The following HIVEP3 variants were observed in gnomAD, a reference collection of about 807,000 sequenced individuals.
The protein encoded by HIVEP3 is HIVEP zinc finger 3, also known as transcription factor HIVEP3.
In HIVEP3, 49 loss-of-function variants were observed where a neutral mutation model predicts 152.8. The ratio of observed to expected loss-of-function variants is 0.32; its 90% CI spans 0.26 to 0.41. The LOEUF (loss-of-function observed/expected upper bound fraction) is 0.41, where lower values mean the gene tolerates loss of function less well. Among genes scored for constraint, HIVEP3 ranks in the 10% least tolerant of loss-of-function variants. The pLI is 1.00. For missense variants in HIVEP3, 2,790 were observed against 3,103.3 expected, an observed-to-expected ratio of 0.90 and a Z score of 2.40; for synonymous variants, 1,269 against 1,289.0, an observed-to-expected ratio of 0.98 and a Z score of 0.33.
chr1:41,527,513 C>A (rs1434422908), intron 5 of HIVEP3, among the ~76,000 whole-genome samples: 1 of 133,950 alleles, frequency 7.5e-6, no homozygotes, highest in Non-Finnish European at 1.6e-5. Context: ...ACTCACACAC[C>A]CCCGCCCTCA....
intron 1 of HIVEP3, among the ~76,000 whole-genome samples, chr1:41,824,784 T>TATATATAGAGAG (rs1553266584): frequency 1.5e-3 from 17 of 11,374 alleles, no homozygotes; most frequent in Non-Finnish European, 2.2e-3. Context: ...TATATATATA[T>TATATATAGAGAG]AGAGAGAGAG....
At chr1:41,962,851 C>A (rs566203026) in intron 1 of HIVEP3, among the ~76,000 whole-genome samples, 1 of 152,320 alleles carries the variant, frequency 6.6e-6, no homozygotes, top group East Asian at 1.9e-4. Flanking sequence ...GGTTTTTGAA[C>A]AACAGTACAA....
intron 1 of HIVEP3, among the ~76,000 whole-genome samples, chr1:41,871,408 A>T (rs1205602621): frequency 1.4e-4 from 1 of 7,266 alleles, no homozygotes; most frequent in Non-Finnish European, 5.1e-4. Flanking sequence ...ATTTAAAGCT[A>T]AAAAAAAAAA....
At chr1:41,552,008 T>C (rs1433840230) in intron 5 of HIVEP3, among the ~76,000 whole-genome samples, 1 of 152,224 alleles carries the variant, frequency 6.6e-6, no homozygotes. Flanking sequence ...TGCTTTCTCT[T>C]GTAGGCATTT....
upstream of HIVEP3, among the ~76,000 whole-genome samples, chr1:41,923,452 TAG>T (rs1644951447): frequency 6.6e-6 from 1 of 150,756 alleles, no homozygotes. Flanking sequence ...CTCATAGGAG[TAG>T]AGAGTAGAAT....
At chr1:41,656,915 T>A (rs1645637010) in intron 2 of HIVEP3, among the ~76,000 whole-genome samples, 1 of 152,210 alleles carries the variant, frequency 6.6e-6, no homozygotes, top group Non-Finnish European at 1.5e-5. Context: ...CAGAGCCTGT[T>A]GGGCTGGGTC....
intron 1 of HIVEP3, among the ~76,000 whole-genome samples, chr1:41,809,352 C>G (rs1469115148): frequency 6.6e-6 from 1 of 152,266 alleles, no homozygotes; most frequent in East Asian, 1.9e-4. Flanking sequence ...AGAACAGAAA[C>G]AGGTGGTACC....
intron 1 of HIVEP3, among the ~76,000 whole-genome samples, chr1:41,841,347 C>T (rs974648342): frequency 3.3e-5 from 5 of 152,314 alleles, no homozygotes; most frequent in South Asian, 2.1e-4. Context: ...CATCCAGAAA[C>T]GCGGTGTTTA....
At chr1:41,870,098 G>A (rs1644051668) in intron 1 of HIVEP3, among the ~76,000 whole-genome samples, 3 of 152,128 alleles carry the variant, frequency 2.0e-5, no homozygotes, top group Non-Finnish European at 2.9e-5. Flanking sequence ...CAAGGACCCT[G>A]GGACTGCTGA....
At chr1:41,636,419 C>A (rs1354359205) in intron 2 of HIVEP3, among the ~76,000 whole-genome samples, 2 of 152,056 alleles carry the variant, frequency 1.3e-5, no homozygotes, top group African/African-American at 4.8e-5. Flanking sequence ...TTTCAAAGCC[C>A]GAATTGGACC....
rs149923097 is a variant in HIVEP3, at chr1:41,726,168, A to C, written c.-800-25173T>G. Among the ~76,000 whole-genome samples, 604 of 152,246 alleles carry C rather than the reference A, an allele frequency of 4.0e-3. 6 individuals are homozygous for C. Among genetic ancestry groups the C allele is most frequent in the African/African-American group, 0.014 (587 of 41,528 alleles). On this transcript the variant is annotated intron_variant, in intron 1 of 8. Transcript: ENST00000372583. ...TTTGAAACCAAACCTTTTTCTTTTC[A>C]TGTCTCAAGCATTTTCATGAGCCCT...
At chr1:41,538,935 T>TG (rs948379576) in intron 5 of HIVEP3, among the ~76,000 whole-genome samples, 1 of 151,866 alleles carries the variant, frequency 6.6e-6, no homozygotes, top group Non-Finnish European at 1.5e-5. Context: ...TCATGGGGCA[T>TG]GGGGGTGGGG....
chr1:41,932,627 TG>T (rs1264962209), intron 1 of HIVEP3, among the ~76,000 whole-genome samples: 2 of 151,934 alleles, frequency 1.3e-5, no homozygotes, highest in Admixed American at 1.3e-4. Flanking sequence ...AACCAGCTTT[TG>T]GTTTGATTGA....
At chr1:41,825,360 G>A (rs1197167714) in intron 1 of HIVEP3, among the ~76,000 whole-genome samples, 6 of 152,180 alleles carry the variant, frequency 3.9e-5, no homozygotes, top group Non-Finnish European at 7.4e-5. Context: ...AAGGGCGGGG[G>A]AATGTCACCA....
intron 1 of HIVEP3, among the ~76,000 whole-genome samples, chr1:41,767,952 C>T (rs918647560): frequency 2.0e-5 from 3 of 152,252 alleles, no homozygotes; most frequent in Non-Finnish European, 4.4e-5. Flanking sequence ...TTATAACAAT[C>T]CTTCATGCTC....
At chr1:41,860,718 C>T (rs1351241829) in intron 1 of HIVEP3, among the ~76,000 whole-genome samples, 1 of 152,180 alleles carries the variant, frequency 6.6e-6, no homozygotes, top group Admixed American at 6.5e-5. Flanking sequence ...TCCACCATTG[C>T]CATTGTTGGA....
At chr1:41,784,309 A>AT (rs1367165989) in intron 1 of HIVEP3, among the ~76,000 whole-genome samples, 2 of 152,250 alleles carry the variant, frequency 1.3e-5, no homozygotes, top group Non-Finnish European at 2.9e-5. Context: ...TCTGTTATTA[A>AT]TTTTTTTAAT....
chr1:41,694,350 C>CT (rs1646241072), intron 2 of HIVEP3, among the ~76,000 whole-genome samples: 1 of 152,100 alleles, frequency 6.6e-6, no homozygotes, highest in Non-Finnish European at 1.5e-5. Context: ...ATAATTACTG[C>CT]TTAGACAGTG....
intron 1 of HIVEP3, among the ~76,000 whole-genome samples, chr1:41,753,392 GGCTCAC>G (rs1319563487): frequency 6.6e-6 from 1 of 152,228 alleles, no homozygotes; most frequent in East Asian, 1.9e-4. Flanking sequence ...CGGGCACGGT[GGCTCAC>G]GCCTGTAATC....
Sources: gnomAD v4.1 joint callset for allele counts (sites outside exome capture counted in the v4.1 genomes callset) on GRCh38, gnomAD v4.1.1 for gene constraint, MANE v1.5 for transcripts, NCBI Gene and HGNC (gene_info 2026-07-23, HGNC 2026-07-21) for gene names.